ADAMTS6: variants seen among roughly 807,000 people sequenced by gnomAD.
ADAMTS6 encodes the protein ADAM metallopeptidase with thrombospondin type 1 motif 6, also known as A disintegrin and metalloproteinase with thrombospondin motifs 6.
In ADAMTS6, 23 loss-of-function variants were observed where a neutral mutation model predicts 144.3. The ratio of observed to expected loss-of-function variants is 0.16; its 90% CI spans 0.11 to 0.23. The LOEUF (loss-of-function observed/expected upper bound fraction) is 0.23, where lower values mean the gene tolerates loss of function less well. ADAMTS6 is among the 10% of genes least tolerant of loss of function. The probability of loss-of-function intolerance (pLI) is 1.00; values close to 1 mark genes in which losing one functional copy is unlikely to be tolerated. For missense variants in ADAMTS6, 999 were observed against 1,379.6 expected, an observed-to-expected ratio of 0.72 and a Z score of 4.37; for synonymous variants, 444 against 457.5, an observed-to-expected ratio of 0.97 and a Z score of 0.38.
chr5:65,329,459 C>A lies in ADAMTS6; in HGVS notation c.1142G>T (p.Cys381Phe). The A allele has an allele frequency of 6.2e-7, 1 of 1,612,184 alleles. No homozygotes were observed. The highest frequency in any genetic ancestry group is 8.5e-7 in the Non-Finnish European group (1 of 1,179,062). The change falls in exon 9 of 25, where the codon TGT (cysteine) becomes TTT (phenylalanine). Residue 381 changes from cysteine (C) to phenylalanine (F), a missense_variant. Cys to Phe is a radical substitution (Grantham distance 205, BLOSUM62 -2). This residue lies in a region of ADAMTS6 where 128 missense variants were observed against 249.0 expected (regional missense o/e 0.51). Transcript: ENST00000381055. ...AATGCTGCAGCTCCTTTCAGGCTCA[C>A]ACATTCCAGCCACAGAGGCCAAGCC... is the stretch of plus-strand genomic sequence containing the variant. Reference protein sequence around the residue: ...TLGLASVAGMCEPERSCSINE... With the variant: ...TLGLASVAGMFEPERSCSINE...
intron 15 of ADAMTS6, among the ~76,000 whole-genome samples, chr5:65,227,366 T>A (rs1471913318): frequency 1.4e-5 from 2 of 147,778 alleles, no homozygotes; most frequent in Non-Finnish European, 3.0e-5. Context: ...AAAATAGCAA[T>A]AAATGTGGAC....
At chr5:65,481,208 A>T (rs1761172650) in intron 1 of ADAMTS6, 135 bp downstream of exon 1, 1 of 131,178 alleles carries the variant, frequency 7.6e-6, no homozygotes, top group Non-Finnish European at 1.6e-5. Flanking sequence ...AAGCTCACTC[A>T]TTGCCATTAA....
chr5:65,443,261 T>G (rs1478367897), intron 7 of ADAMTS6, among the ~76,000 whole-genome samples: 1 of 152,154 alleles, frequency 6.6e-6, no homozygotes, highest in African/African-American at 2.4e-5. Context: ...GAATGTAAAT[T>G]AGATATCTAA....
intron 7 of ADAMTS6, among the ~76,000 whole-genome samples, chr5:65,362,663 T>A (rs1258106420): frequency 6.6e-6 from 1 of 152,228 alleles, no homozygotes; most frequent in Non-Finnish European, 1.5e-5. Context: ...AGTACCATAA[T>A]GGCAAGAATT....
At chr5:65,208,191 G>T (rs1756249058) in intron 20 of ADAMTS6, among the ~76,000 whole-genome samples, 1 of 152,162 alleles carries the variant, frequency 6.6e-6, no homozygotes, top group South Asian at 2.1e-4. Flanking sequence ...AGAGGTACTT[G>T]CATCTGAATG....
intron 7 of ADAMTS6, among the ~76,000 whole-genome samples, chr5:65,354,989 C>A (rs1335246592): frequency 6.6e-6 from 1 of 151,804 alleles, no homozygotes; most frequent in East Asian, 1.9e-4. Flanking sequence ...TTTGCCAATT[C>A]AAATATTCCT....
chr5:65,406,894 G>C (rs115806002), intron 7 of ADAMTS6, among the ~76,000 whole-genome samples: 1,752 of 152,172 alleles, frequency 0.012, 19 homozygotes, highest in Non-Finnish European at 0.016. Context: ...ATCTATTGAA[G>C]ATCACATGAA....
intron 9 of ADAMTS6, among the ~76,000 whole-genome samples, chr5:65,316,327 A>G (rs1580372924): frequency 6.6e-6 from 1 of 152,234 alleles, no homozygotes; most frequent in East Asian, 1.9e-4. Context: ...ACTTAATCCA[A>G]ATGACATTTA....
chr5:65,424,746 T>A (rs748706382), intron 7 of ADAMTS6, among the ~76,000 whole-genome samples: 6 of 152,194 alleles, frequency 3.9e-5, no homozygotes, highest in Non-Finnish European at 5.9e-5. Flanking sequence ...ATTTTAAAAA[T>A]AATAAAACTT....
At chr5:65,432,774 T>C (rs1757094304) in intron 7 of ADAMTS6, among the ~76,000 whole-genome samples, 1 of 152,150 alleles carries the variant, frequency 6.6e-6, no homozygotes. Context: ...GCAACCTCTC[T>C]AACATTATTG....
chr5:65,291,650 A>G (rs1223604704), intron 10 of ADAMTS6, among the ~76,000 whole-genome samples, 180 bp from the exon 11 acceptor site: 1 of 152,226 alleles, frequency 6.6e-6, no homozygotes, highest in East Asian at 1.9e-4. Context: ...TAAGAGCTCC[A>G]AATAATTCAT....
intron 7 of ADAMTS6, among the ~76,000 whole-genome samples, chr5:65,422,448 C>T (rs1268398045): frequency 6.6e-6 from 1 of 152,044 alleles, no homozygotes; most frequent in Non-Finnish European, 1.5e-5. Flanking sequence ...AGGGTGAAAC[C>T]CTGTTGCTAC....
At chr5:65,387,675 G>C (rs1307179773) in intron 7 of ADAMTS6, among the ~76,000 whole-genome samples, 2 of 152,084 alleles carry the variant, frequency 1.3e-5, no homozygotes, top group Non-Finnish European at 2.9e-5. Context: ...TCAATAACTC[G>C]TTTGATGTTC....
At chr5:65,289,402 G>A (rs769844932) in intron 11 of ADAMTS6, among the ~76,000 whole-genome samples, 4 of 152,120 alleles carry the variant, frequency 2.6e-5, no homozygotes, top group Non-Finnish European at 4.4e-5. Context: ...ATGTGGTGGT[G>A]AGCGCCTGTA....
At chr5:65,174,628 TC>T (rs1163205525) in intron 22 of ADAMTS6, among the ~76,000 whole-genome samples, 2 of 152,216 alleles carry the variant, frequency 1.3e-5, no homozygotes, top group Non-Finnish European at 2.9e-5. Context: ...TCACCCACGG[TC>T]TGCCTGTACC....
chr5:65,291,238 G>A, intron 11 of ADAMTS6, 91 bp downstream of exon 11: 1 of 1,445,958 alleles, frequency 6.9e-7, no homozygotes, highest in Non-Finnish European at 9.3e-7. Flanking sequence ...TATTACTAGA[G>A]GGAACCGACA....
chr5:65,239,994 C>A (rs1759032763), intron 15 of ADAMTS6, among the ~76,000 whole-genome samples: 1 of 152,144 alleles, frequency 6.6e-6, no homozygotes, highest in Non-Finnish European at 1.5e-5. Flanking sequence ...AGCAATTCTA[C>A]TCCTAAGTAT....
intron 7 of ADAMTS6, among the ~76,000 whole-genome samples, chr5:65,425,875 T>C (rs1278778926): frequency 6.6e-6 from 1 of 151,730 alleles, no homozygotes; most frequent in Non-Finnish European, 1.5e-5. Context: ...GCCATTCTCC[T>C]GCCTCAGCCT....
intron 11 of ADAMTS6, among the ~76,000 whole-genome samples, chr5:65,284,493 A>G (rs1314352950): frequency 1.3e-5 from 2 of 152,128 alleles, no homozygotes; most frequent in Non-Finnish European, 2.9e-5. Context: ...TTTCAATGGA[A>G]TTGAATGAAT....
Sources: gnomAD v4.1 joint callset for allele counts (sites outside exome capture counted in the v4.1 genomes callset) on GRCh38, gnomAD v4.1.1 for gene constraint, gnomAD v4.1.1 regional missense constraint, MANE v1.5 for transcripts, NCBI Gene and HGNC (gene_info 2026-07-23, HGNC 2026-07-21) for gene names.